Variants in BACH2 observed in about 807,000 individuals in gnomAD.
BACH2 encodes the protein transcription regulator protein BACH2.
BACH2 carries 5 observed loss-of-function variants against 61.8 expected under a neutral mutation model. The observed-to-expected ratio is 0.08, with a 90% confidence interval of 0.04 to 0.17. The LOEUF is 0.17. Among genes scored for constraint, BACH2 ranks in the 10% least tolerant of loss-of-function variants. The pLI, the probability that BACH2 is intolerant of heterozygous loss-of-function variation, is 1.00. For synonymous variants in BACH2, 446 were observed against 440.1 expected (o/e 1.01, Z -0.17); for missense variants, 824 against 1,091.1 (o/e 0.76, Z 3.45).
chr6:90,194,486 T>C (rs1388901798), intron 4 of BACH2, among the ~76,000 whole-genome samples: 1 of 152,162 alleles, frequency 6.6e-6, no homozygotes, highest in Non-Finnish European at 1.5e-5. Flanking sequence ...TCAATTTAGA[T>C]CATAGCATCT....
chr6:89,943,934 G>A (rs1418446710), intron 7 of BACH2, among the ~76,000 whole-genome samples: 1 of 152,194 alleles, frequency 6.6e-6, no homozygotes, highest in Admixed American at 6.5e-5. Flanking sequence ...GGGAGCTGTC[G>A]AGGGAGGAAG....
At chr6:90,295,202 G>T (rs1772302261) in intron 1 of BACH2, among the ~76,000 whole-genome samples, 1 of 152,238 alleles carries the variant, frequency 6.6e-6, no homozygotes, top group South Asian at 2.1e-4. Context: ...GGGAGAGCAG[G>T]CTGCGAGGCG....
intron 5 of BACH2, among the ~76,000 whole-genome samples, chr6:90,040,421 G>C (rs1779476351): frequency 6.6e-6 from 1 of 151,992 alleles, no homozygotes; most frequent in South Asian, 2.1e-4. Context: ...AGGTGCCACT[G>C]ACTTGCCCAT....
intron 5 of BACH2, among the ~76,000 whole-genome samples, chr6:90,041,737 C>T (rs1004944210): frequency 1.3e-5 from 2 of 151,834 alleles, no homozygotes; most frequent in Admixed American, 6.6e-5. Flanking sequence ...TTTTATTTAC[C>T]TTATTTTTAT....
rs1772733280 is a variant in BACH2 at position 89,932,631 on chromosome 6, C to T, written c.2303G>A (p.Cys768Tyr). The T allele has an allele frequency of 1.2e-6, 2 of 1,613,966 alleles. No homozygotes were observed. The highest frequency in any genetic ancestry group is 1.1e-5 in the South Asian group (1 of 91,082). Residue 768 changes from cysteine (C) to tyrosine (Y), a missense_variant, in exon 9 of 9, where the codon TGC becomes TAC. This residue lies in a region of BACH2 where 135 missense variants were observed against 142.7 expected (regional missense o/e 0.95). Coordinates refer to ENST00000257749, the MANE Select transcript of BACH2 (RefSeq NM_021813.4). The stretch of plus-strand genomic sequence containing the variant: ...GGGAGCCGCGCCTGGCTCCAAGCAG[C>T]AGGGCACGTTTTCCCCCACTGCGCA... ...SQCAVGENVP[C>Y]CLEPGAAPPG...
At chr6:90,160,731 C>A (rs1379170424) in intron 4 of BACH2, among the ~76,000 whole-genome samples, 5 of 152,122 alleles carry the variant, frequency 3.3e-5, no homozygotes, top group African/African-American at 1.2e-4. Flanking sequence ...TCTCTTGAGA[C>A]AAAAGAACCC....
chr6:90,136,724 GA>G (rs202179219), intron 4 of BACH2, among the ~76,000 whole-genome samples: 2 of 151,480 alleles, frequency 1.3e-5, no homozygotes, highest in Non-Finnish European at 2.9e-5. Context: ...AGATTAAGAT[GA>G]AAAAAAGGCA....
intron 6 of BACH2, among the ~76,000 whole-genome samples, chr6:89,976,320 G>A (rs2128362118): frequency 6.6e-6 from 1 of 152,354 alleles, no homozygotes; most frequent in Middle Eastern, 3.4e-3. Flanking sequence ...CCGCAGGCAA[G>A]CTCCCGCTTG....
At chr6:90,274,940 TC>T (rs1379252955) in intron 1 of BACH2, among the ~76,000 whole-genome samples, 1 of 152,160 alleles carries the variant, frequency 6.6e-6, no homozygotes, top group Admixed American at 6.5e-5. Context: ...CTACAGTTCC[TC>T]CCCCTAGTGT....
chr6:90,140,263 C>T (rs1784418981), intron 4 of BACH2, among the ~76,000 whole-genome samples: 1 of 152,006 alleles, frequency 6.6e-6, no homozygotes, highest in Non-Finnish European at 1.5e-5. Flanking sequence ...GTTAGCAGCT[C>T]AACTATACAA....
chr6:90,150,292 A>T (rs1027470316), intron 4 of BACH2, among the ~76,000 whole-genome samples: 3 of 152,190 alleles, frequency 2.0e-5, no homozygotes, highest in Non-Finnish European at 2.9e-5. Context: ...TTACCCTTCT[A>T]CATCATCAGC....
intron 5 of BACH2, among the ~76,000 whole-genome samples, chr6:90,021,837 T>A (rs1778394467): frequency 6.6e-6 from 1 of 152,236 alleles, no homozygotes; most frequent in Non-Finnish European, 1.5e-5. Flanking sequence ...ATGCCTTAGA[T>A]AGCTAAAGTA....
At chr6:89,988,849 T>C (rs189207446) in intron 6 of BACH2, among the ~76,000 whole-genome samples, 1 of 152,366 alleles carries the variant, frequency 6.6e-6, no homozygotes, top group Non-Finnish European at 1.5e-5. Context: ...GGAGGTCCCC[T>C]GTCTAGAGCT....
intron 1 of BACH2, among the ~76,000 whole-genome samples, chr6:90,284,963 G>A (rs953133240): frequency 6.6e-6 from 1 of 152,094 alleles, no homozygotes; most frequent in Non-Finnish European, 1.5e-5. Context: ...AATGCTTATT[G>A]AAACTTAAGA....
chr6:90,025,860 A>G (rs986540142), intron 5 of BACH2, among the ~76,000 whole-genome samples: 1 of 152,238 alleles, frequency 6.6e-6, no homozygotes, highest in African/African-American at 2.4e-5. Flanking sequence ...GGAAATCATT[A>G]CAGAGAAATG....
At chr6:90,224,641 A>G (rs1769850970) in intron 3 of BACH2, among the ~76,000 whole-genome samples, 1 of 152,102 alleles carries the variant, frequency 6.6e-6, no homozygotes, top group Non-Finnish European at 1.5e-5. Context: ...CTTTTATTAT[A>G]GTTATAAAAC....
intron 4 of BACH2, among the ~76,000 whole-genome samples, chr6:90,103,029 A>ATATATATATATATATATATTTTTT: frequency 9.5e-5 from 2 of 21,164 alleles, no homozygotes; most frequent in African/African-American, 2.4e-4. Flanking sequence ...ATATATATAT[A>ATATATATATATATATATATTTTTT]TTTTTTTTTT....
At chr6:90,040,549 T>A (rs1056292918) in intron 5 of BACH2, among the ~76,000 whole-genome samples, 2 of 151,974 alleles carry the variant, frequency 1.3e-5, no homozygotes, top group Non-Finnish European at 2.9e-5. Context: ...AACTTCAGCA[T>A]CAGCTTGTTT....
At chr6:90,058,658 A>G (rs1388270453) in intron 5 of BACH2, among the ~76,000 whole-genome samples, 2 of 152,154 alleles carry the variant, frequency 1.3e-5, no homozygotes, top group African/African-American at 4.8e-5. Flanking sequence ...AAGAGCCCGC[A>G]TCGCCAAGTC....
Sources: allele counts gnomAD v4.1 joint callset (sites outside exome capture counted in the v4.1 genomes callset), GRCh38; gene constraint gnomAD v4.1.1; regional missense constraint gnomAD v4.1.1; transcripts MANE v1.5; gene names NCBI Gene and HGNC (gene_info 2026-07-23, HGNC 2026-07-21).